Variants in ATRNL1 observed in about 807,000 individuals in gnomAD.
ATRNL1 encodes attractin-like protein 1.
In ATRNL1, 95 loss-of-function variants were observed where a neutral mutation model predicts 182.7. That is an observed-to-expected ratio of 0.52 (90% confidence interval 0.44 to 0.62). The LOEUF (loss-of-function observed/expected upper bound fraction) is 0.62, where lower values mean the gene tolerates loss of function less well. Ranked by LOEUF, ATRNL1 falls within the 20% of genes least tolerant of loss-of-function variation. The pLI, the probability that ATRNL1 is intolerant of heterozygous loss-of-function variation, is 0.00. For synonymous variants in ATRNL1, 576 were observed against 568.3 expected (o/e 1.01, Z -0.19); for missense variants, 1,471 against 1,679.5 (o/e 0.88, Z 2.17).
intron 21 of ATRNL1, among the ~76,000 whole-genome samples, chr10:115,455,847 C>T: frequency 6.6e-6 from 1 of 152,000 alleles, no homozygotes; most frequent in East Asian, 1.9e-4. Context: ...ACACTTCTCA[C>T]AGAAGATGTT....
intron 18 of ATRNL1, among the ~76,000 whole-genome samples, chr10:115,333,888 T>TTAA (rs1855354832): frequency 6.6e-6 from 1 of 152,236 alleles, no homozygotes; most frequent in Non-Finnish European, 1.5e-5. Context: ...TATTATCATG[T>TTAA]GTTAATATAA....
At chr10:115,231,430 G>T (rs922541235) in intron 9 of ATRNL1, among the ~76,000 whole-genome samples, 1 of 151,810 alleles carries the variant, frequency 6.6e-6, no homozygotes, top group East Asian at 1.9e-4. Context: ...TGAGAGAAGA[G>T]GAATTAAAGA....
At chr10:115,257,740 T>C (rs1554907465) in intron 10 of ATRNL1, among the ~76,000 whole-genome samples, 22 of 152,228 alleles carry the variant, frequency 1.4e-4, no homozygotes, top group Non-Finnish European at 2.9e-4. Flanking sequence ...TTGCAATGGC[T>C]AGTCCCGTTT....
intron 21 of ATRNL1, among the ~76,000 whole-genome samples, chr10:115,439,739 G>A (rs1451666134): frequency 6.6e-6 from 1 of 151,860 alleles, no homozygotes; most frequent in East Asian, 1.9e-4. Flanking sequence ...TTATGAAAGG[G>A]AAGCGGAGGA....
intron 5 of ATRNL1, among the ~76,000 whole-genome samples, chr10:115,134,391 A>G (rs1845406088): frequency 6.6e-6 from 1 of 152,370 alleles, no homozygotes; most frequent in East Asian, 1.9e-4. Context: ...AACAACCATC[A>G]GAGAATACTA....
intron 25 of ATRNL1, among the ~76,000 whole-genome samples, chr10:115,527,057 G>C (rs1174281507): frequency 1.3e-5 from 2 of 151,726 alleles, no homozygotes; most frequent in African/African-American, 4.8e-5. Context: ...GGATTTCAGA[G>C]TGCAGTAGCT....
At chr10:115,671,196 T>C (rs1555041288) in intron 26 of ATRNL1, among the ~76,000 whole-genome samples, 2 of 152,084 alleles carry the variant, frequency 1.3e-5, no homozygotes, top group Non-Finnish European at 2.9e-5. Flanking sequence ...GATTTAGAAG[T>C]CTTCTTTTTG....
At chr10:115,904,236 G>A (rs576984653) in intron 28 of ATRNL1, among the ~76,000 whole-genome samples, 1 of 152,266 alleles carries the variant, frequency 6.6e-6, no homozygotes, top group African/African-American at 2.4e-5. Context: ...TGGTTGGCTG[G>A]GACCATCCTG....
intron 17 of ATRNL1, among the ~76,000 whole-genome samples, chr10:115,313,713 CT>C (rs1854152388): frequency 6.6e-6 from 1 of 152,104 alleles, no homozygotes; most frequent in Admixed American, 6.6e-5. Context: ...TAAAATAAAA[CT>C]TACTTTCTTA....
intron 27 of ATRNL1, among the ~76,000 whole-genome samples, chr10:115,836,084 G>T (rs1257594079): frequency 6.6e-6 from 1 of 152,184 alleles, no homozygotes; most frequent in Non-Finnish European, 1.5e-5. Flanking sequence ...ATTCTAAGGA[G>T]CAATTACAAC....
At chr10:115,772,136 G>C (rs1218376919) in intron 27 of ATRNL1, among the ~76,000 whole-genome samples, 1 of 152,172 alleles carries the variant, frequency 6.6e-6, no homozygotes, top group Non-Finnish European at 1.5e-5. Context: ...AACAAAGCTT[G>C]CAATTTGTGG....
chr10:115,684,144 G>A (rs1946142345), intron 26 of ATRNL1, among the ~76,000 whole-genome samples: 1 of 151,256 alleles, frequency 6.6e-6, no homozygotes, highest in Admixed American at 6.6e-5. Flanking sequence ...TTAGATACCT[G>A]GTAATTTCTG....
At chr10:115,203,957 A>G (rs1161257279) in intron 8 of ATRNL1, among the ~76,000 whole-genome samples, 1 of 151,794 alleles carries the variant, frequency 6.6e-6, no homozygotes, top group East Asian at 1.9e-4. Context: ...CTAAATTTAA[A>G]AATATAGACA....
intron 27 of ATRNL1, among the ~76,000 whole-genome samples, chr10:115,807,566 A>G (rs574326214): frequency 6.6e-6 from 1 of 152,360 alleles, no homozygotes; most frequent in East Asian, 1.9e-4. Context: ...GGATATAAAA[A>G]GAAACACAGA....
intron 26 of ATRNL1, among the ~76,000 whole-genome samples, chr10:115,639,431 A>G (rs934712099): frequency 5.3e-5 from 8 of 152,246 alleles, no homozygotes; most frequent in African/African-American, 1.4e-4. Flanking sequence ...AAAGGAAAGT[A>G]ATTTAAAGTA....
At chr10:115,475,878 C>G (rs1261570823) in intron 24 of ATRNL1, among the ~76,000 whole-genome samples, 1 of 151,162 alleles carries the variant, frequency 6.6e-6, no homozygotes, top group Non-Finnish European at 1.5e-5. Context: ...ATTCCTTTAT[C>G]TTTTACTTAT....
At chr10:115,373,833 A>T (rs1461174837) in intron 19 of ATRNL1, among the ~76,000 whole-genome samples, 1 of 151,552 alleles carries the variant, frequency 6.6e-6, no homozygotes, top group African/African-American at 2.4e-5. Flanking sequence ...AATTTCTTTT[A>T]TCTTAGTGTT....
At chr10:115,667,348 C>T (rs2133919270) in intron 26 of ATRNL1, among the ~76,000 whole-genome samples, 1 of 152,262 alleles carries the variant, frequency 6.6e-6, no homozygotes, top group African/African-American at 2.4e-5. Flanking sequence ...TGTATTCATT[C>T]TCACAATTTG....
chr10:115,428,973 T>C (rs1272845699), intron 21 of ATRNL1, among the ~76,000 whole-genome samples: 1 of 152,126 alleles, frequency 6.6e-6, no homozygotes, highest in African/African-American at 2.4e-5. Flanking sequence ...AAAATTTTGA[T>C]ACTAGAAATT....
Sources: gnomAD v4.1 joint callset for allele counts (sites outside exome capture counted in the v4.1 genomes callset) on GRCh38, gnomAD v4.1.1 for gene constraint, MANE v1.5 for transcripts, NCBI Gene and HGNC (gene_info 2026-07-23, HGNC 2026-07-21) for gene names.